The following FRS2 variants were observed in gnomAD, a reference collection of about 807,000 sequenced individuals.
The protein encoded by FRS2 is fibroblast growth factor receptor substrate 2.
A neutral mutation model predicts 43.9 loss-of-function variants in FRS2; 8 were observed. The ratio of observed to expected loss-of-function variants is 0.18; its 90% CI spans 0.11 to 0.33. The LOEUF (loss-of-function observed/expected upper bound fraction) is 0.33, where lower values mean the gene tolerates loss of function less well. Among genes scored for constraint, FRS2 ranks in the 10% least tolerant of loss-of-function variants. FRS2 has a pLI of 1.00. For synonymous variants in FRS2, 219 were observed against 220.3 expected (o/e 0.99, Z 0.05); for missense variants, 534 against 627.6 (o/e 0.85, Z 1.59).
In FRS2 at chr12:69,562,262, TGGCCAGATCTA is replaced by T; in HGVS notation, c.-36_-27+1del. The T allele has an allele frequency of 2.5e-6, 1 of 398,466 alleles. No homozygotes were observed. Among genetic ancestry groups the T allele is most frequent in the Non-Finnish European group, 4.4e-6 (1 of 225,962 alleles). 24.7% of individuals were successfully genotyped at this position (398,466 alleles called of 1,614,324 possible). A position where few individuals can be genotyped will look rare whatever the true frequency, so the allele number is the denominator to read the frequency against. ...CTGCAGCAGAGGCTAAGAATATTAA[TGGCCAGATCTA>T]GGTAAGTTGAAGTTTATTTATGTTT... On this transcript the variant is annotated splice_region_variant and 5_prime_UTR_variant, in exon 4 of 9. It removes the in-frame stop codon of an upstream open reading frame in the 5' UTR. Coordinates refer to ENST00000549921, the MANE Select transcript of FRS2 (RefSeq NM_001278356.2).
At chr12:69,501,711 G>C (rs61927231) in intron 1 of FRS2, among the ~76,000 whole-genome samples, 1 of 152,082 alleles carries the variant, frequency 6.6e-6, no homozygotes. Context: ...CAGGATTCTC[G>C]AACTCTGGAG....
chr12:69,550,074 G>A (rs1264644600), intron 3 of FRS2, among the ~76,000 whole-genome samples: 1 of 152,142 alleles, frequency 6.6e-6, no homozygotes, highest in Admixed American at 6.6e-5. Context: ...TATTTGTTGA[G>A]CATCTCCATT....
intron 1 of FRS2, among the ~76,000 whole-genome samples, chr12:69,519,580 A>G (rs550117288): frequency 4.7e-4 from 57 of 122,180 alleles, no homozygotes; most frequent in African/African-American, 1.6e-3. Context: ...CTGGTAGGCC[A>G]CAGTTGTCTG....
At position 69,538,197 on chromosome 12, in the gene FRS2, TTATA is replaced by T. The variant is rs151295024; in HGVS notation, c.-122+6164_-122+6167del. ...AATAATAAAATTAAAAAAACAAATTTTATATATATATATATATATATATATAGCA... is the reference window on the plus strand; with the variant it reads ...AATAATAAAATTAAAAAAACAAATTTTATATATATATATATATATATAGCA... On this transcript the variant is annotated intron_variant, in intron 3 of 8. Transcript: ENST00000549921. Among the ~76,000 whole-genome samples the T allele has an allele frequency of 1.2e-3, 95 of 81,608 alleles. 2 individuals are homozygous for T. The highest frequency in any genetic ancestry group is 3.1e-3 in the South Asian group (6 of 1,938). The allele number at this position is 81,608 out of a possible 152,430, so 53.5% of individuals were successfully genotyped here.
intron 1 of FRS2, among the ~76,000 whole-genome samples, chr12:69,502,481 A>G (rs2135548668): frequency 1.3e-5 from 2 of 151,926 alleles, no homozygotes; most frequent in Admixed American, 1.3e-4. Context: ...CGGTCTTCCC[A>G]CCTCAGCCTC....
chr12:69,558,122 G>C (rs190643946), intron 3 of FRS2, among the ~76,000 whole-genome samples: 71 of 152,220 alleles, frequency 4.7e-4, no homozygotes, highest in Admixed American at 7.8e-4. Flanking sequence ...GGGTTAAAGT[G>C]TGTGAGTTTT....
chr12:69,529,241 G>A lies in FRS2; in HGVS notation c.-260-1624G>A, dbSNP rs763114789. ...GCAAAATATTGTGGCTTGGACCATC[G>A]TAGTAAGAGTGGAAGTGGTAATAAT... On this transcript the variant is annotated intron_variant, in intron 1 of 8. Coordinates refer to ENST00000549921, the MANE Select transcript of FRS2 (RefSeq NM_001278356.2). Among the ~76,000 whole-genome samples the A allele has an allele frequency of 3.5e-4, 53 of 152,296 alleles. 1 individual carries two copies. Among genetic ancestry groups the A allele is most frequent in the Non-Finnish European group, 5.3e-4 (36 of 68,026 alleles).
chr12:69,572,420 G>T (rs1880844683), intron 8 of FRS2, 139 bp downstream of exon 8: 1 of 670,270 alleles, frequency 1.5e-6, no homozygotes, highest in Admixed American at 2.7e-5. Flanking sequence ...ACAATCAGAG[G>T]AGATAGCATA....
intron 1 of FRS2, among the ~76,000 whole-genome samples, chr12:69,492,118 C>T (rs923028268): frequency 6.6e-6 from 1 of 152,170 alleles, no homozygotes; most frequent in African/African-American, 2.4e-5. Flanking sequence ...TTGTTTACTT[C>T]ATCAAAAATG....
chr12:69,512,178 A>G (rs1874522456), intron 1 of FRS2, among the ~76,000 whole-genome samples: 1 of 152,034 alleles, frequency 6.6e-6, no homozygotes, highest in Non-Finnish European at 1.5e-5. Flanking sequence ...TTTGGGTTTC[A>G]TGTACTTTTT....
At chr12:69,519,917 G>GTA (rs1191037857) in intron 1 of FRS2, among the ~76,000 whole-genome samples, 2 of 152,166 alleles carry the variant, frequency 1.3e-5, no homozygotes, top group Non-Finnish European at 2.9e-5. Flanking sequence ...TCCTTTGGGT[G>GTA]TATACCCGGT....
chr12:69,516,830 A>T (rs536665682), intron 1 of FRS2, among the ~76,000 whole-genome samples: 1 of 152,304 alleles, frequency 6.6e-6, no homozygotes, highest in Non-Finnish European at 1.5e-5. Flanking sequence ...ATATTCTTCT[A>T]TTCTGCCACT....
chr12:69,575,013 A>G lies in FRS2; in HGVS notation c.*58A>G, dbSNP rs1881093040. 1 of 1,124,468 alleles carries G rather than the reference A, an allele frequency of 8.9e-7. No individual in the cohort carries two copies. The highest frequency in any genetic ancestry group is 1.6e-5 in the African/African-American group (1 of 64,500). The allele number at this position is 1,124,468 out of a possible 1,614,324, so 69.7% of individuals were successfully genotyped here. A position where few individuals can be genotyped will look rare whatever the true frequency, so the allele number is the denominator to read the frequency against. ...TGAAGTTTTTAAAAATGAAGATGCAAGTGCTTCATTTTCATTTCTAAACAC... is the reference window on the plus strand; with the variant it reads ...TGAAGTTTTTAAAAATGAAGATGCAGGTGCTTCATTTTCATTTCTAAACAC... On this transcript the variant is annotated 3_prime_UTR_variant, in exon 9 of 9. Transcript: ENST00000549921.
intron 4 of FRS2, among the ~76,000 whole-genome samples, chr12:69,567,452 A>G (rs964390462): frequency 6.6e-6 from 1 of 152,150 alleles, no homozygotes; most frequent in African/African-American, 2.4e-5. Flanking sequence ...CACCTTCTGT[A>G]TGCTAGGTAT....
intron 2 of FRS2, among the ~76,000 whole-genome samples, chr12:69,531,409 A>G (rs375678622): frequency 3.9e-5 from 6 of 152,304 alleles, no homozygotes; most frequent in African/African-American, 1.4e-4. Context: ...TCTACCATAC[A>G]GCTCTAAGAA....
At chr12:69,526,791 T>C (rs1876277972) in intron 1 of FRS2, among the ~76,000 whole-genome samples, 1 of 152,028 alleles carries the variant, frequency 6.6e-6, no homozygotes, top group Non-Finnish European at 1.5e-5. Flanking sequence ...TGGCACGATC[T>C]CGGCTCACTG....
At chr12:69,530,665 C>T (rs1454946181) in intron 1 of FRS2, among the ~76,000 whole-genome samples, 200 bp from the exon 2 acceptor site, 1 of 152,020 alleles carries the variant, frequency 6.6e-6, no homozygotes, top group African/African-American at 2.4e-5. Context: ...ATCGCCTGAG[C>T]CCATGAGATT....
intron 1 of FRS2, among the ~76,000 whole-genome samples, chr12:69,508,908 T>G (rs966944847): frequency 5.3e-5 from 8 of 152,196 alleles, no homozygotes; most frequent in Non-Finnish European, 1.0e-4. Context: ...TTATAGGGTA[T>G]CAGATTTTGG....
intron 3 of FRS2, among the ~76,000 whole-genome samples, chr12:69,560,893 T>C (rs1026170189): frequency 2.0e-5 from 3 of 152,256 alleles, no homozygotes; most frequent in African/African-American, 7.2e-5. Context: ...GACTTTTCAT[T>C]GATAGTTAAT....
Sources: gnomAD v4.1 joint callset for allele counts (sites outside exome capture counted in the v4.1 genomes callset) on GRCh38, gnomAD v4.1.1 for gene constraint, MANE v1.5 for transcripts, NCBI Gene and HGNC (gene_info 2026-07-23, HGNC 2026-07-21) for gene names.